AKT3: variants seen among roughly 807,000 people sequenced by gnomAD.
The protein encoded by AKT3 is AKT serine/threonine kinase 3, also known as RAC-gamma serine/threonine-protein kinase.
Under a neutral mutation model 65.3 loss-of-function variants are expected in AKT3, and 15 were observed. The observed-to-expected ratio is 0.23, with a 90% confidence interval of 0.15 to 0.35. The LOEUF is 0.35. Ranked by LOEUF, AKT3 falls within the 10% of genes least tolerant of loss-of-function variation. The pLI is 1.00. For missense variants in AKT3, 243 were observed against 576.5 expected, an observed-to-expected ratio of 0.42 and a Z score of 5.92; for synonymous variants, 206 against 183.8, an observed-to-expected ratio of 1.12 and a Z score of -0.98.
intron 8 of AKT3, 135 bp from the exon 9 acceptor site, chr1:243,573,183 TAGAC>T (rs1674690258): frequency 6.0e-6 from 6 of 998,404 alleles, no homozygotes; most frequent in Non-Finnish European, 8.3e-6. Context: ...TGAGCACTCT[TAGAC>T]AGCAGCTGGC....
At chr1:243,757,776 T>C (rs894368256) in intron 2 of AKT3, among the ~76,000 whole-genome samples, 1 of 152,094 alleles carries the variant, frequency 6.6e-6, no homozygotes, top group African/African-American at 2.4e-5. Context: ...CTTTTTTTTT[T>C]TTCATATGGA....
intron 5 of AKT3, among the ~76,000 whole-genome samples, chr1:243,640,855 C>T (rs1558675290): frequency 6.6e-6 from 1 of 152,026 alleles, no homozygotes; most frequent in East Asian, 1.9e-4. Flanking sequence ...TGTTCCACAG[C>T]GTGAGGGTTA....
chr1:243,812,676 A>C (rs1453086586), intron 2 of AKT3, among the ~76,000 whole-genome samples: 2 of 152,276 alleles, frequency 1.3e-5, no homozygotes, highest in African/African-American at 4.8e-5. Flanking sequence ...GTGGGTACAT[A>C]CCCAAAGGAT....
chr1:243,786,929 AAAG>A (rs1214329989), intron 2 of AKT3, among the ~76,000 whole-genome samples: 1 of 152,234 alleles, frequency 6.6e-6, no homozygotes, highest in Non-Finnish European at 1.5e-5. Flanking sequence ...AAGGCAAAAA[AAAG>A]AAGAGGCCCA....
At chr1:243,609,780 A>T (rs550246307) in intron 8 of AKT3, among the ~76,000 whole-genome samples, 1 of 152,344 alleles carries the variant, frequency 6.6e-6, no homozygotes, top group Admixed American at 6.5e-5. Flanking sequence ...TTAATGCTAA[A>T]GAAAATCATC....
chr1:243,684,527 T>C (rs1684150754), intron 3 of AKT3, among the ~76,000 whole-genome samples: 1 of 152,234 alleles, frequency 6.6e-6, no homozygotes, highest in South Asian at 2.1e-4. Context: ...ATGGTATGTA[T>C]GTGCCACATT....
At chr1:243,593,624 G>T (rs1352327642) in intron 8 of AKT3, among the ~76,000 whole-genome samples, 1 of 152,068 alleles carries the variant, frequency 6.6e-6, no homozygotes, top group South Asian at 2.1e-4. Context: ...GAATAAACCT[G>T]GAAGCTGCAG....
intron 13 of AKT3, among the ~76,000 whole-genome samples, chr1:243,506,186 G>A (rs1419977094): frequency 6.6e-6 from 1 of 152,240 alleles, no homozygotes; most frequent in Non-Finnish European, 1.5e-5. Context: ...CCCAAGGACC[G>A]CAGAACTTTG....
intron 2 of AKT3, among the ~76,000 whole-genome samples, chr1:243,827,786 T>A (rs991489647): frequency 1.3e-5 from 2 of 152,072 alleles, no homozygotes; most frequent in African/African-American, 4.8e-5. Context: ...AAAGCAACTA[T>A]TAGAACTTGG....
At chr1:243,843,512 A>C (rs1474490821) in intron 1 of AKT3, 3 of 1,087,092 alleles carry the variant, frequency 2.8e-6, no homozygotes, top group Non-Finnish European at 3.4e-6. Flanking sequence ...AGGTTGCAAC[A>C]AAAAAGTCTT....
intron 2 of AKT3, among the ~76,000 whole-genome samples, chr1:243,700,077 C>T (rs1390573701): frequency 2.0e-5 from 3 of 152,048 alleles, no homozygotes; most frequent in Non-Finnish European, 2.9e-5. Flanking sequence ...TTATGCCACC[C>T]ACTTTTTATT....
chr1:243,808,450 T>C (rs931844984), intron 2 of AKT3, among the ~76,000 whole-genome samples: 5 of 151,978 alleles, frequency 3.3e-5, no homozygotes, highest in African/African-American at 9.7e-5. Context: ...ATCAAATGAA[T>C]GAAATGAAGC....
At chr1:243,585,670 G>A (rs1004533573) in intron 8 of AKT3, among the ~76,000 whole-genome samples, 13 of 152,074 alleles carry the variant, frequency 8.5e-5, no homozygotes, top group African/African-American at 2.7e-4. Context: ...ATGGTGCTTC[G>A]ACAGCTGGTG....
intron 9 of AKT3, 104 bp downstream of exon 9, chr1:243,572,822 A>G: frequency 8.0e-7 from 1 of 1,246,862 alleles, no homozygotes; most frequent in East Asian, 2.6e-5. Context: ...TTTTTTCCCA[A>G]CTAAATCTGC....
intron 12 of AKT3, among the ~76,000 whole-genome samples, chr1:243,521,540 T>A (rs1377689232): frequency 6.6e-6 from 1 of 152,250 alleles, no homozygotes; most frequent in African/African-American, 2.4e-5. Flanking sequence ...AGCTGTGCCA[T>A]ACCAATGAAT....
intron 8 of AKT3, among the ~76,000 whole-genome samples, chr1:243,588,025 T>C (rs543804441): frequency 4.7e-4 from 72 of 152,296 alleles, no homozygotes; most frequent in African/African-American, 1.7e-3. Context: ...AGGTGAGCCA[T>C]ATGATTATCC....
chr1:243,532,541 T>C (rs1028626734), intron 12 of AKT3, among the ~76,000 whole-genome samples: 1 of 152,212 alleles, frequency 6.6e-6, no homozygotes, highest in Admixed American at 6.5e-5. Context: ...TTAATTATAC[T>C]GCTGAATGGT....
At chr1:243,531,166 T>C (rs1671499606) in intron 12 of AKT3, among the ~76,000 whole-genome samples, 1 of 152,140 alleles carries the variant, frequency 6.6e-6, no homozygotes, top group South Asian at 2.1e-4. Context: ...TCACAGCTCA[T>C]TGCAGCCTTG....
intron 8 of AKT3, among the ~76,000 whole-genome samples, chr1:243,609,184 T>A (rs1296626065): frequency 6.6e-6 from 1 of 151,364 alleles, no homozygotes; most frequent in African/African-American, 2.4e-5. Flanking sequence ...TCATGATAAA[T>A]CAAGAATTGA....
Sources: allele counts gnomAD v4.1 joint callset (sites outside exome capture counted in the v4.1 genomes callset), GRCh38; gene constraint gnomAD v4.1.1; transcripts MANE v1.5; gene names NCBI Gene and HGNC (gene_info 2026-07-23, HGNC 2026-07-21).